The following MRPS6 variants were observed in gnomAD, a reference collection of about 807,000 sequenced individuals.
MRPS6 encodes small ribosomal subunit protein bS6m.
A neutral mutation model predicts 13.1 loss-of-function variants in MRPS6; 6 were observed. The ratio of observed to expected loss-of-function variants is 0.46; its 90% CI spans 0.25 to 0.91. MRPS6 has a LOEUF of 0.91. Ranked by LOEUF, MRPS6 falls within the 40% of genes least tolerant of loss-of-function variation. The pLI, the probability that MRPS6 is intolerant of heterozygous loss-of-function variation, is 0.18. For missense variants in MRPS6, 164 were observed against 155.6 expected (o/e 1.05, Z -0.29); for synonymous variants, 61 against 56.5 (o/e 1.08, Z -0.36).
intron 1 of MRPS6, among the ~76,000 whole-genome samples, chr21:34,090,462 A>G (rs1466579870): frequency 6.6e-6 from 1 of 152,258 alleles, no homozygotes; most frequent in Non-Finnish European, 1.5e-5. Context: ...TGATTTAAGT[A>G]GGAGCTAATA....
intron 2 of MRPS6, among the ~76,000 whole-genome samples, chr21:34,138,578 A>C (rs1478113113): frequency 2.0e-5 from 3 of 151,996 alleles, no homozygotes; most frequent in Non-Finnish European, 4.4e-5. Context: ...CAAAAAACAC[A>C]TGAAAAAATG....
intron 1 of MRPS6, among the ~76,000 whole-genome samples, chr21:34,089,840 A>G (rs1978593480): frequency 6.6e-6 from 1 of 152,210 alleles, no homozygotes; most frequent in African/African-American, 2.4e-5. Context: ...TTGAGGGTGC[A>G]AGTTTAATAG....
chr21:34,089,487 A>T (rs1978570239), intron 1 of MRPS6, among the ~76,000 whole-genome samples: 1 of 152,062 alleles, frequency 6.6e-6, no homozygotes, highest in East Asian at 1.9e-4. Flanking sequence ...AGATTTCTAT[A>T]AAAAAATTCA....
At chr21:34,107,781 G>A (rs1206195343) in intron 1 of MRPS6, among the ~76,000 whole-genome samples, 4 of 152,144 alleles carry the variant, frequency 2.6e-5, no homozygotes, top group Non-Finnish European at 5.9e-5. Context: ...TTTTATCAAT[G>A]GTTTCTTTGT....
chr21:34,098,370 C>T (rs1009653144), intron 1 of MRPS6: 2 of 1,000,102 alleles, frequency 2.0e-6, no homozygotes, highest in African/African-American at 3.5e-5. Flanking sequence ...CTGGATTGCT[C>T]TACTTGATTA....
intron 1 of MRPS6, chr21:34,095,722 C>G: frequency 6.3e-7 from 1 of 1,576,858 alleles, no homozygotes; most frequent in Non-Finnish European, 8.6e-7. Flanking sequence ...CTGACTGTCA[C>G]CGGAGGCCTT....
Position 34,073,596 on chromosome 21 carries a change from C to A in MRPS6, c.-105C>A. 2.0e-6 allele frequency: 2 copies of A among 998,408 alleles called. No individual in the cohort carries two copies. Among genetic ancestry groups the A allele is most frequent in the Non-Finnish European group, 2.9e-6 (2 of 692,778 alleles). 61.8% of individuals were successfully genotyped at this position (998,408 alleles called of 1,614,324 possible). Reference sequence around the variant, plus strand: ...GGACCGTGCTTTCGCCGCCTGGGAGCCGTCCGGCGCAGCAGTTTCTAGGTC... The same window carrying A: ...GGACCGTGCTTTCGCCGCCTGGGAGACGTCCGGCGCAGCAGTTTCTAGGTC... On this transcript the variant is annotated 5_prime_UTR_variant, in exon 1 of 3. Transcript: ENST00000399312.
chr21:34,127,796 G>A (rs182445922), intron 2 of MRPS6, among the ~76,000 whole-genome samples: 6 of 152,364 alleles, frequency 3.9e-5, no homozygotes, highest in Admixed American at 3.9e-4. Context: ...GCCACAGAAA[G>A]TGTTAGAAAC....
At chr21:34,074,767 C>T (rs1379232198) in intron 1 of MRPS6, among the ~76,000 whole-genome samples, 1 of 152,182 alleles carries the variant, frequency 6.6e-6, no homozygotes, top group Non-Finnish European at 1.5e-5. Context: ...GAGGAGTGGA[C>T]GCATTTTTAC....
intron 2 of MRPS6, among the ~76,000 whole-genome samples, chr21:34,129,477 T>A (rs959579453): frequency 2.0e-5 from 3 of 152,232 alleles, no homozygotes; most frequent in Admixed American, 2.0e-4. Flanking sequence ...TTTTCTTGCC[T>A]GTTTTGCCCG....
intron 2 of MRPS6, 64 bp from the exon 3 acceptor site, chr21:34,142,340 CACTG>C (rs1188403516): frequency 2.0e-6 from 3 of 1,502,044 alleles, no homozygotes; most frequent in Non-Finnish European, 2.7e-6. Context: ...AAAATGGAAA[CACTG>C]ACCAAAATAG....
At chr21:34,095,232 A>G (rs1172262696) in intron 1 of MRPS6, 1 of 1,613,448 alleles carries the variant, frequency 6.2e-7, no homozygotes, top group East Asian at 2.2e-5. Flanking sequence ...AGACATTGCC[A>G]TAGTGGCCCT....
At chr21:34,111,560 A>C (rs560804434) in intron 1 of MRPS6, among the ~76,000 whole-genome samples, 1 of 152,336 alleles carries the variant, frequency 6.6e-6, no homozygotes, top group East Asian at 1.9e-4. Flanking sequence ...CAGGGCATAG[A>C]TTTCAGACCC....
chr21:34,079,966 C>T (rs1233492599), intron 1 of MRPS6, among the ~76,000 whole-genome samples: 1 of 152,124 alleles, frequency 6.6e-6, no homozygotes, highest in Admixed American at 6.6e-5. Flanking sequence ...TCATCTGGGG[C>T]TGAACAAATG....
intron 1 of MRPS6, among the ~76,000 whole-genome samples, chr21:34,075,829 A>G (rs559038192): frequency 6.6e-5 from 10 of 152,318 alleles, no homozygotes; most frequent in Middle Eastern, 3.4e-3. Context: ...AGGATTCTAA[A>G]ATAGGATGAA....
chr21:34,130,107 A>G, intron 2 of MRPS6, among the ~76,000 whole-genome samples: 1 of 149,190 alleles, frequency 6.7e-6, no homozygotes, highest in East Asian at 2.0e-4. Context: ...AAGCCCTCCC[A>G]TCCCCCTCCC....
At chr21:34,099,524 T>C in intron 1 of MRPS6, 1 of 999,270 alleles carries the variant, frequency 1.0e-6, no homozygotes, top group Non-Finnish European at 1.2e-6. Flanking sequence ...CATTACTGTG[T>C]AATTCACTGA....
In MRPS6 at chr21:34,081,442, C is replaced by T. The variant is rs567998457; in HGVS notation, c.45+7697C>T. Among the ~76,000 whole-genome samples the T allele has an allele frequency of 3.5e-4, 53 of 152,202 alleles. 1 individual carries two copies. In the South Asian group the frequency reaches 0.011, roughly 31 times the overall value. ...ATGGCTTTGGGTATGAAGGCTTCTG[C>T]TTTATAGAAAAATGCTGATTTTTTT... is the stretch of plus-strand genomic sequence containing the variant. On this transcript the variant is annotated intron_variant, in intron 1 of 2. Transcript: ENST00000399312.
intron 2 of MRPS6, among the ~76,000 whole-genome samples, chr21:34,134,015 A>C (rs1602966134): frequency 6.6e-6 from 1 of 152,194 alleles, no homozygotes; most frequent in Non-Finnish European, 1.5e-5. Context: ...AGGTGGCCAA[A>C]TGGAATTATT....
Sources: allele counts gnomAD v4.1 joint callset (sites outside exome capture counted in the v4.1 genomes callset), GRCh38; gene constraint gnomAD v4.1.1; transcripts MANE v1.5; gene names NCBI Gene and HGNC (gene_info 2026-07-23, HGNC 2026-07-21).